Variants in LRRC4C observed in about 807,000 individuals in gnomAD.
LRRC4C encodes the protein leucine-rich repeat-containing protein 4C.
LRRC4C carries 5 observed loss-of-function variants against 33.6 expected under a neutral mutation model. The ratio of observed to expected loss-of-function variants is 0.15; its 90% confidence interval spans 0.08 to 0.31. The LOEUF is 0.31. Ranked by LOEUF, LRRC4C falls within the 10% of genes least tolerant of loss-of-function variation. The pLI is 1.00. For missense variants in LRRC4C, 560 were observed against 796.7 expected, an observed-to-expected ratio of 0.70 and a Z score of 3.58; for synonymous variants, 329 against 302.0, an observed-to-expected ratio of 1.09 and a Z score of -0.93.
chr11:40,488,892 C>T (rs538594832), intron 3 of LRRC4C, among the ~76,000 whole-genome samples: 2 of 152,120 alleles, frequency 1.3e-5, no homozygotes, highest in South Asian at 2.1e-4. Context: ...TGATCTTATG[C>T]CTGCCCAATG....
intron 3 of LRRC4C, among the ~76,000 whole-genome samples, chr11:40,383,634 T>C (rs1241378028): frequency 6.6e-6 from 1 of 152,162 alleles, no homozygotes; most frequent in Non-Finnish European, 1.5e-5. Flanking sequence ...CTCATATATG[T>C]GTTGGCCATT....
At chr11:40,399,039 TA>T (rs1949655369) in intron 3 of LRRC4C, among the ~76,000 whole-genome samples, 1 of 152,094 alleles carries the variant, frequency 6.6e-6, no homozygotes, top group African/African-American at 2.4e-5. Flanking sequence ...TAACAGATCA[TA>T]AGGAGTGAAA....
chr11:40,210,698 C>G (rs1302800253), intron 5 of LRRC4C, among the ~76,000 whole-genome samples: 1 of 152,192 alleles, frequency 6.6e-6, no homozygotes, highest in Non-Finnish European at 1.5e-5. Flanking sequence ...CCTGTAAGAA[C>G]AATTCCTTGA....
chr11:40,616,459 G>A (rs10837448), intron 3 of LRRC4C, among the ~76,000 whole-genome samples: 74,841 of 150,538 alleles, frequency 0.5, 18,927 homozygotes, highest in East Asian at 0.73. Context: ...ACACATGCAT[G>A]CATATGTTTA....
intron 3 of LRRC4C, among the ~76,000 whole-genome samples, chr11:40,572,154 T>A (rs1958007271): frequency 6.6e-6 from 1 of 152,216 alleles, no homozygotes. Flanking sequence ...TTTGTTCATA[T>A]GGGGAACACA....
intron 1 of LRRC4C, among the ~76,000 whole-genome samples, chr11:41,239,010 T>C (rs1181909381): frequency 6.6e-6 from 1 of 151,950 alleles, no homozygotes; most frequent in African/African-American, 2.4e-5. Context: ...GAAAGGATTC[T>C]TTGTTAAACT....
chr11:40,312,400 G>A (rs1206712085), intron 4 of LRRC4C, among the ~76,000 whole-genome samples: 2 of 152,146 alleles, frequency 1.3e-5, no homozygotes, highest in Non-Finnish European at 2.9e-5. Context: ...TGAAGTAAAG[G>A]TGAAAACAGT....
In LRRC4C at chr11:41,004,146, A is replaced by T. The variant is rs570212175; in HGVS notation, c.-495-70423T>A. ...TAGGTTGGCACATCAGACTAGCTAA[A>T]AAATACATTAGGGAGGGAACTTGTC... On this transcript the variant is annotated intron_variant, in intron 1 of 6. Coordinates refer to ENST00000528697, the MANE Select transcript of LRRC4C (RefSeq NM_001258419.2). Among the ~76,000 whole-genome samples the T allele has an allele frequency of 5.9e-5, 9 of 152,254 alleles. No homozygotes were observed. The South Asian group carries it at 1.9e-3, about 32-fold the overall frequency.
intron 5 of LRRC4C, among the ~76,000 whole-genome samples, chr11:40,225,201 T>C (rs1864696307): frequency 6.6e-6 from 1 of 152,198 alleles, no homozygotes; most frequent in Non-Finnish European, 1.5e-5. Flanking sequence ...AAAACTTTTG[T>C]CGTGAATTGG....
intron 2 of LRRC4C, among the ~76,000 whole-genome samples, chr11:40,905,599 A>G (rs1474451758): frequency 2.6e-5 from 4 of 152,202 alleles, no homozygotes; most frequent in African/African-American, 9.7e-5. Flanking sequence ...TACACGTGCT[A>G]CACATGCCTT....
intron 2 of LRRC4C, among the ~76,000 whole-genome samples, chr11:40,721,975 A>T (rs1257172550): frequency 6.6e-6 from 1 of 152,112 alleles, no homozygotes; most frequent in Non-Finnish European, 1.5e-5. Flanking sequence ...AAAGATTGAA[A>T]CCATGATAAC....
intron 1 of LRRC4C, among the ~76,000 whole-genome samples, chr11:41,423,566 A>T (rs781009703): frequency 1.3e-5 from 2 of 152,082 alleles, no homozygotes; most frequent in Non-Finnish European, 2.9e-5. Context: ...TCTGAGAAAG[A>T]TTATTCTGGA....
rs533441641 is a variant in LRRC4C at position 40,157,777 on chromosome 11, C to T, written c.-95-16924G>A. Among the ~76,000 whole-genome samples the T allele has an allele frequency of 1.4e-4, 21 of 152,116 alleles. 1 individual carries two copies. In the South Asian group the frequency reaches 2.5e-3, roughly 18 times the overall value. ...AAAACAGTAGATGCTGGCATGGATG[C>T]GGTGAACAGGGAACACTTCTACACT... On this transcript the variant is annotated intron_variant, in intron 5 of 6. Transcript: ENST00000528697.
At chr11:40,605,011 G>A (rs1000872455) in intron 3 of LRRC4C, among the ~76,000 whole-genome samples, 2 of 152,054 alleles carry the variant, frequency 1.3e-5, no homozygotes, top group Admixed American at 6.6e-5. Flanking sequence ...TGATTATAGA[G>A]AGTCCCCTCA....
chr11:41,188,551 C>A (rs1945798669), intron 1 of LRRC4C, among the ~76,000 whole-genome samples: 1 of 151,786 alleles, frequency 6.6e-6, no homozygotes, highest in Non-Finnish European at 1.5e-5. Context: ...TAATTAAGAA[C>A]AATAATAGCA....
At chr11:40,547,961 A>G (rs77280524) in intron 3 of LRRC4C, among the ~76,000 whole-genome samples, 1 of 152,096 alleles carries the variant, frequency 6.6e-6, no homozygotes, top group African/African-American at 2.4e-5. Flanking sequence ...CCAACGCTCT[A>G]TTCCCATAAG....
At chr11:40,266,336 C>T (rs368285390) in intron 4 of LRRC4C, among the ~76,000 whole-genome samples, 11 of 151,594 alleles carry the variant, frequency 7.3e-5, no homozygotes, top group South Asian at 4.2e-4. Context: ...AAAAAGAAGG[C>T]GGCGGCGAAT....
chr11:40,443,351 A>G (rs1281707371), intron 3 of LRRC4C, among the ~76,000 whole-genome samples: 1 of 152,156 alleles, frequency 6.6e-6, no homozygotes, highest in African/African-American at 2.4e-5. Context: ...ACAAATATAG[A>G]CCTTAAGTAA....
chr11:40,888,054 A>T (rs945391725), intron 2 of LRRC4C, among the ~76,000 whole-genome samples: 2 of 151,930 alleles, frequency 1.3e-5, no homozygotes. Context: ...TACTTCACTG[A>T]GTCTCCATTT....
Sources: gnomAD v4.1 joint callset for allele counts (sites outside exome capture counted in the v4.1 genomes callset) on GRCh38, gnomAD v4.1.1 for gene constraint, MANE v1.5 for transcripts, NCBI Gene and HGNC (gene_info 2026-07-23, HGNC 2026-07-21) for gene names.